GALNT13: variants seen among roughly 807,000 people sequenced by gnomAD.
GALNT13 encodes polypeptide N-acetylgalactosaminyltransferase 13.
GALNT13 carries 28 observed loss-of-function variants against 64.2 expected under a neutral mutation model. The ratio of observed to expected loss-of-function variants is 0.44; its 90% CI spans 0.32 to 0.60. The LOEUF (loss-of-function observed/expected upper bound fraction) is 0.60, where lower values mean the gene tolerates loss of function less well. Among genes scored for constraint, GALNT13 ranks in the 20% least tolerant of loss-of-function variants. The probability of loss-of-function intolerance (pLI) is 0.05; values close to 1 mark genes in which losing one functional copy is unlikely to be tolerated. For missense variants in GALNT13, 577 were observed against 669.8 expected (o/e 0.86, Z 1.53); for synonymous variants, 214 against 224.6 (o/e 0.95, Z 0.42).
chr2:153,437,526 T>G, the GALNT13 span, among the ~76,000 whole-genome samples: 1 of 152,190 alleles, frequency 6.6e-6, no homozygotes, highest in Non-Finnish European at 1.5e-5. Flanking sequence ...TGGGTGCATA[T>G]ATATTTAGGA....
chr2:153,359,627 C>A, the GALNT13 span, among the ~76,000 whole-genome samples: 3 of 21,288 alleles, frequency 1.4e-4, no homozygotes, highest in Admixed American at 1.5e-3. Context: ...ATCCAGCTTT[C>A]AGCAAAAAAA....
At chr2:153,401,542 T>C in the GALNT13 span, among the ~76,000 whole-genome samples, 11 of 149,430 alleles carry the variant, frequency 7.4e-5, no homozygotes, top group African/African-American at 2.7e-4. Flanking sequence ...AGTCTCCCAT[T>C]ATTAATGTGT....
the GALNT13 span, among the ~76,000 whole-genome samples, chr2:153,320,472 T>G: frequency 5.3e-5 from 8 of 152,214 alleles, no homozygotes; most frequent in Admixed American, 5.2e-4. Context: ...GGTCATTGCT[T>G]CATAAAACTA....
chr2:154,206,704 G>A (rs543162871), intron 4 of GALNT13, among the ~76,000 whole-genome samples: 1 of 151,946 alleles, frequency 6.6e-6, no homozygotes, highest in South Asian at 2.1e-4. Context: ...GGCTGAGGCA[G>A]GAGAATTGCT....
intron 3 of GALNT13, among the ~76,000 whole-genome samples, chr2:153,962,773 T>C (rs982835152): frequency 8.5e-5 from 13 of 152,180 alleles, no homozygotes; most frequent in African/African-American, 3.1e-4. Context: ...CTCTGCACAA[T>C]GTCCCTCATA....
the GALNT13 span, among the ~76,000 whole-genome samples, chr2:153,374,564 T>A: frequency 6.6e-6 from 1 of 152,172 alleles, no homozygotes; most frequent in Non-Finnish European, 1.5e-5. Context: ...CTTTTCTGTG[T>A]TCAATCTAAT....
At chr2:153,919,234 T>C (rs929216888) in intron 2 of GALNT13, among the ~76,000 whole-genome samples, 1 of 152,032 alleles carries the variant, frequency 6.6e-6, no homozygotes, top group African/African-American at 2.4e-5. Context: ...ACTGAACAAA[T>C]TTTATCAACT....
chr2:153,227,122 T>G, the GALNT13 span, among the ~76,000 whole-genome samples: 8 of 152,186 alleles, frequency 5.3e-5, no homozygotes, highest in Non-Finnish European at 1.2e-4. Flanking sequence ...CTAATTCAAG[T>G]GGGGATGTTT....
chr2:153,120,460 C>T, the GALNT13 span, among the ~76,000 whole-genome samples: 2 of 152,048 alleles, frequency 1.3e-5, no homozygotes, highest in Non-Finnish European at 2.9e-5. Context: ...GTCTTTAGGC[C>T]AGTTTTTTTC....
At chr2:153,453,073 G>T in the GALNT13 span, among the ~76,000 whole-genome samples, 5 of 152,116 alleles carry the variant, frequency 3.3e-5, no homozygotes, top group Non-Finnish European at 5.9e-5. Context: ...ATATGCAGAA[G>T]AATGAAACTA....
At chr2:153,323,326 C>A in the GALNT13 span, among the ~76,000 whole-genome samples, 5 of 151,958 alleles carry the variant, frequency 3.3e-5, no homozygotes, top group Non-Finnish European at 5.9e-5. Context: ...CCTTCACCCA[C>A]TTTTTGATAG....
the GALNT13 span, among the ~76,000 whole-genome samples, chr2:153,294,648 C>T: frequency 6.6e-6 from 1 of 151,992 alleles, no homozygotes; most frequent in Non-Finnish European, 1.5e-5. Context: ...GAAGAGAATG[C>T]GTTTGCAGAA....
intron 4 of GALNT13, among the ~76,000 whole-genome samples, chr2:154,218,304 C>A (rs1246766537): frequency 6.6e-6 from 1 of 152,048 alleles, no homozygotes; most frequent in Non-Finnish European, 1.5e-5. Context: ...GTGACAGTAA[C>A]TACATTTCCT....
chr2:153,591,286 A>G, the GALNT13 span, among the ~76,000 whole-genome samples: 1 of 152,112 alleles, frequency 6.6e-6, no homozygotes, highest in Non-Finnish European at 1.5e-5. Flanking sequence ...ATTACAAAAC[A>G]TTGATGAAAG....
chr2:153,281,240 T>A, the GALNT13 span, among the ~76,000 whole-genome samples: 3 of 152,204 alleles, frequency 2.0e-5, no homozygotes, highest in Non-Finnish European at 4.4e-5. Flanking sequence ...TGGATCTTTC[T>A]CCAGTCCTTT....
the GALNT13 span, among the ~76,000 whole-genome samples, chr2:153,822,568 T>G: frequency 6.6e-6 from 1 of 152,124 alleles, no homozygotes; most frequent in Admixed American, 6.5e-5. Flanking sequence ...AACTAGGCAT[T>G]AAAGGAACAT....
At chr2:153,871,124 T>C (rs1558825005), upstream of GALNT13, among the ~76,000 whole-genome samples, 3 of 152,102 alleles carry the variant, frequency 2.0e-5, no homozygotes, top group African/African-American at 7.2e-5. Flanking sequence ...CTCAGTACCA[T>C]GGGGGTATTG....
At chr2:153,638,019 A>G in the GALNT13 span, among the ~76,000 whole-genome samples, 1 of 152,122 alleles carries the variant, frequency 6.6e-6, no homozygotes, top group African/African-American at 2.4e-5. Flanking sequence ...ATGTAGGTGG[A>G]CAAGGAGGTC....
intron 7 of GALNT13, 78 bp downstream of exon 7, chr2:154,246,060 TTTAA>T: frequency 2.3e-6 from 2 of 882,810 alleles, no homozygotes; most frequent in African/African-American, 1.7e-5. Context: ...TGTTCTAATG[TTTAA>T]TTATTTAATT....
Sources: allele counts gnomAD v4.1 joint callset (sites outside exome capture counted in the v4.1 genomes callset), GRCh38; gene constraint gnomAD v4.1.1; transcripts MANE v1.5; gene names NCBI Gene and HGNC (gene_info 2026-07-23, HGNC 2026-07-21).